CNTNAP4: variants seen among roughly 807,000 people sequenced by gnomAD.
CNTNAP4 encodes the protein contactin associated protein family member 4.
A neutral mutation model predicts 148.4 loss-of-function variants in CNTNAP4; 98 were observed. The observed-to-expected ratio is 0.66, with a 90% CI of 0.56 to 0.78. CNTNAP4 has a LOEUF of 0.78. Ranked by LOEUF, CNTNAP4 falls within the 30% of genes least tolerant of loss-of-function variation. The pLI is 0.00. For synonymous variants in CNTNAP4, 730 were observed against 565.1 expected, an observed-to-expected ratio of 1.29 and a Z score of -4.14; for missense variants, 1,935 against 1,565.6, an observed-to-expected ratio of 1.24 and a Z score of -3.98.
intron 1 of CNTNAP4, among the ~76,000 whole-genome samples, chr16:76,310,085 C>T (rs2144026050): frequency 6.6e-6 from 1 of 152,164 alleles, no homozygotes; most frequent in South Asian, 2.1e-4. Flanking sequence ...AGTTTGGCTT[C>T]CTGGGCTAGT....
intron 18 of CNTNAP4, 130 bp from the exon 19 acceptor site, chr16:76,537,986 T>A (rs2084283219): frequency 2.8e-6 from 1 of 353,218 alleles, no homozygotes; most frequent in Non-Finnish European, 4.9e-6. Flanking sequence ...CTTTATTATT[T>A]GATTCTATTT....
intron 8 of CNTNAP4, among the ~76,000 whole-genome samples, chr16:76,460,773 A>AAAAAAAATATATAT: frequency 1.7e-5 from 1 of 57,318 alleles, no homozygotes; most frequent in Non-Finnish European, 3.3e-5. Context: ...AAAAAAAAAA[A>AAAAAAAATATATAT]ATATATATAT....
At chr16:76,320,959 A>G (rs1962344211) in intron 2 of CNTNAP4, among the ~76,000 whole-genome samples, 1 of 152,254 alleles carries the variant, frequency 6.6e-6, no homozygotes. Context: ...TTAAGTATAT[A>G]AAAGATGGTT....
At chr16:76,314,472 G>C (rs1961488715) in intron 1 of CNTNAP4, among the ~76,000 whole-genome samples, 1 of 152,172 alleles carries the variant, frequency 6.6e-6, no homozygotes, top group African/African-American at 2.4e-5. Context: ...CATATGTATA[G>C]GATTAGAAAA....
rs537340605 is a variant in CNTNAP4, at chr16:76,545,663, C to A, written c.3442+4873C>A. ...TTTTCAGGTGCCTCAAATCTACAAA[C>A]CTTCATACAATGATAAAACAAGAAT... On this transcript the variant is annotated intron_variant, in intron 21 of 23. Coordinates refer to ENST00000611870, the MANE Select transcript of CNTNAP4 (RefSeq NM_033401.5). Among the ~76,000 whole-genome samples the A allele has an allele frequency of 5.9e-5, 9 of 152,244 alleles. No homozygotes were observed. In the South Asian group the frequency reaches 1.9e-3, roughly 32 times the overall value.
intron 2 of CNTNAP4, among the ~76,000 whole-genome samples, chr16:76,333,748 G>A (rs973357232): frequency 1.3e-5 from 2 of 148,172 alleles, no homozygotes; most frequent in East Asian, 3.9e-4. Context: ...CTCCATAAAG[G>A]GTCTGTTTTT....
At position 76,543,808 on chromosome 16, in the gene CNTNAP4, C is replaced by A. The variant is rs972448713; in HGVS notation, c.3442+3018C>A. Among the ~76,000 whole-genome samples the A allele has an allele frequency of 4.6e-5, 7 of 152,296 alleles. No individual in the cohort carries two copies. In the South Asian group the frequency reaches 1.5e-3, roughly 32 times the overall value. ...AAGCATGAGGATGGATTTCAGAGCC[C>A]AGCAGTGGGGACCCTTGGTCAATTA... On this transcript the variant is annotated intron_variant, in intron 21 of 23. Transcript: ENST00000611870.
chr16:76,556,435 C>T (rs2085202303), intron 23 of CNTNAP4, among the ~76,000 whole-genome samples: 1 of 152,112 alleles, frequency 6.6e-6, no homozygotes, highest in African/African-American at 2.4e-5. Context: ...ATAGCACTTT[C>T]CCCAAATTAA....
At chr16:76,299,742 G>A (rs930430173) in intron 1 of CNTNAP4, among the ~76,000 whole-genome samples, 7 of 152,204 alleles carry the variant, frequency 4.6e-5, no homozygotes, top group Non-Finnish European at 8.8e-5. Context: ...CTTGGAACCA[G>A]GCCAAATGTC....
At chr16:76,420,959 C>T (rs2079169277) in intron 3 of CNTNAP4, among the ~76,000 whole-genome samples, 1 of 151,934 alleles carries the variant, frequency 6.6e-6, no homozygotes. Context: ...CAAAATCGTA[C>T]ATATCATATC....
intron 3 of CNTNAP4, among the ~76,000 whole-genome samples, chr16:76,417,175 T>C (rs1333482028): frequency 6.6e-6 from 1 of 151,548 alleles, no homozygotes; most frequent in Non-Finnish European, 1.5e-5. Flanking sequence ...ATCTCTTTAA[T>C]TGGTATATTT....
rs144739787 is a variant in CNTNAP4 at position 76,423,085 on chromosome 16, A to T, written c.391-4367A>T. On this transcript the variant is annotated intron_variant, in intron 3 of 23. Coordinates refer to ENST00000611870, the MANE Select transcript of CNTNAP4 (RefSeq NM_033401.5). ...GCTAGAAAGTGGCATTCTATGAAAC[A>T]TGAAGTAGGCCTTCACCAGACACCG... Among the ~76,000 whole-genome samples the T allele has an allele frequency of 3.1e-4, 47 of 152,278 alleles. No individual in the cohort carries two copies. In the East Asian group the frequency reaches 8.9e-3, roughly 29 times the overall value.
At chr16:76,456,062 C>T (rs568572780) in intron 8 of CNTNAP4, among the ~76,000 whole-genome samples, 2 of 152,228 alleles carry the variant, frequency 1.3e-5, no homozygotes, top group East Asian at 1.9e-4. Context: ...TGGTCTCCAA[C>T]GTGTAATTGC....
chr16:76,371,238 G>A (rs1249698920), intron 3 of CNTNAP4, among the ~76,000 whole-genome samples: 1 of 152,148 alleles, frequency 6.6e-6, no homozygotes, highest in Non-Finnish European at 1.5e-5. Context: ...TCACTGAGGA[G>A]GACCAGGGTA....
At chr16:76,396,229 G>A (rs552923130) in intron 3 of CNTNAP4, among the ~76,000 whole-genome samples, 2 of 152,180 alleles carry the variant, frequency 1.3e-5, no homozygotes, top group African/African-American at 4.8e-5. Context: ...CTTGAATTGT[G>A]CATATTCATT....
intron 2 of CNTNAP4, among the ~76,000 whole-genome samples, chr16:76,342,544 C>T (rs549815595): frequency 3.1e-4 from 43 of 139,838 alleles, no homozygotes; most frequent in African/African-American, 1.1e-3. Flanking sequence ...GCAATCTCGG[C>T]TCACTGCAAG....
intron 3 of CNTNAP4, among the ~76,000 whole-genome samples, chr16:76,421,448 A>T (rs2079186647): frequency 6.6e-6 from 1 of 152,202 alleles, no homozygotes; most frequent in Admixed American, 6.6e-5. Flanking sequence ...CAACTTTGTA[A>T]GATACAGTCC....
intron 3 of CNTNAP4, among the ~76,000 whole-genome samples, chr16:76,380,863 A>G (rs1487174350): frequency 6.6e-6 from 1 of 152,162 alleles, no homozygotes; most frequent in East Asian, 1.9e-4. Flanking sequence ...ACAAGCATCA[A>G]TATGTGTACC....
chr16:76,498,405 T>C (rs886749817), intron 14 of CNTNAP4, among the ~76,000 whole-genome samples, 162 bp from the exon 15 acceptor site: 1 of 152,092 alleles, frequency 6.6e-6, no homozygotes, highest in Non-Finnish European at 1.5e-5. Flanking sequence ...ATAATAATAA[T>C]AGTAAATAAA....
Sources: allele counts gnomAD v4.1 joint callset (sites outside exome capture counted in the v4.1 genomes callset), GRCh38; gene constraint gnomAD v4.1.1; transcripts MANE v1.5; gene names NCBI Gene and HGNC (gene_info 2026-07-23, HGNC 2026-07-21).